AVL9: variants seen among roughly 807,000 people sequenced by gnomAD.
The protein encoded by AVL9 is late secretory pathway protein AVL9 homolog.
In AVL9, 49 loss-of-function variants were observed where a neutral mutation model predicts 79.2. That is an observed-to-expected ratio of 0.62 (90% confidence interval 0.49 to 0.79). The LOEUF is 0.79. Ranked by LOEUF, AVL9 falls within the 30% of genes least tolerant of loss-of-function variation. The probability of loss-of-function intolerance (pLI) is 0.00; values close to 1 mark genes in which losing one functional copy is unlikely to be tolerated. For synonymous variants in AVL9, 299 were observed against 280.6 expected (o/e 1.07, Z -0.65); for missense variants, 682 against 776.8 (o/e 0.88, Z 1.45).
Position 32,553,594 on chromosome 7 carries a change from G to A in AVL9, c.530-133G>A, listed in dbSNP as rs539541109. On this transcript the variant is annotated intron_variant, in intron 6 of 15. Coordinates refer to ENST00000318709, the MANE Select transcript of AVL9 (RefSeq NM_015060.3). The stretch of plus-strand genomic sequence containing the variant: ...TATGTGTACCTAATCAAACATTACA[G>A]AAATATTTGGATATTTGCATATTCC... The A allele has an allele frequency of 1.0e-4, 65 of 648,674 alleles. No homozygotes were observed. The South Asian group carries it at 1.3e-3, about 13-fold the overall frequency. The allele number at this position is 648,674 out of a possible 1,614,324, so 40.2% of individuals were successfully genotyped here. A position where few individuals can be genotyped will look rare whatever the true frequency, so the allele number is the denominator to read the frequency against.
At position 32,576,009 on chromosome 7, in the gene AVL9, A is replaced by T; in HGVS notation, c.1625A>T (p.Asn542Ile). ...ACAACTTTTGTTACAGCATGGAAGAATACTCACAACTACAGGGTGTGGAAC... is the reference window on the plus strand; with the variant it reads ...ACAACTTTTGTTACAGCATGGAAGATTACTCACAACTACAGGGTGTGGAAC... ...YGTTFVTAWK[N>I]THNYRVWNSN... Residue 542 changes from asparagine (N) to isoleucine (I), a missense_variant, in exon 13 of 16, where the codon AAT becomes ATT. Transcript: ENST00000318709. The T allele has an allele frequency of 6.2e-7, 1 of 1,614,186 alleles. No individual in the cohort carries two copies. Among genetic ancestry groups the T allele is most frequent in the South Asian group, 1.1e-5 (1 of 91,074 alleles).
rs1791717633 is a variant in AVL9, at chr7:32,585,143, C to T, written c.*1236C>T. ...TTTTCTCGTAGTCTTATTCATAAAG[C>T]TTTTCAAAGCACTTAGTCTTCTACT... On this transcript the variant is annotated 3_prime_UTR_variant, in exon 16 of 16. Transcript: ENST00000318709. The T allele has an allele frequency of 6.6e-6, 1 of 152,170 alleles. No homozygotes were observed. Among genetic ancestry groups the T allele is most frequent in the African/African-American group, 2.4e-5 (1 of 41,438 alleles). 9.4% of individuals were successfully genotyped at this position (152,170 alleles called of 1,614,324 possible). A position where few individuals can be genotyped will look rare whatever the true frequency, so the allele number is the denominator to read the frequency against.
intron 1 of AVL9, among the ~76,000 whole-genome samples, chr7:32,524,616 T>C (rs1788323283): frequency 8.6e-6 from 1 of 115,778 alleles, no homozygotes; most frequent in African/African-American, 2.7e-5. Context: ...TATCTAGTGC[T>C]ATAAAACTGA....
intron 1 of AVL9, among the ~76,000 whole-genome samples, chr7:32,521,975 T>C (rs1048644887): frequency 4.6e-5 from 7 of 152,194 alleles, no homozygotes; most frequent in African/African-American, 1.7e-4. Flanking sequence ...GTCCACATGG[T>C]GTTGAGCCTG....
chr7:32,543,283 C>CA (rs1354301957), intron 2 of AVL9, 22 bp downstream of exon 2: 9 of 1,601,936 alleles, frequency 5.6e-6, no homozygotes, highest in Non-Finnish European at 5.1e-6. Context: ...GACAGTGAAG[C>CA]AGTTAGGTGC....
At chr7:32,575,922 C>G in intron 12 of AVL9, 33 bp from the exon 13 acceptor site, 1 of 1,469,502 alleles carries the variant, frequency 6.8e-7, no homozygotes, top group Non-Finnish European at 9.5e-7. Context: ...GGCTACAGCC[C>G]AGCTCAACTT....
At chr7:32,568,161 A>G (rs1455316081) in intron 10 of AVL9, among the ~76,000 whole-genome samples, 2 of 151,482 alleles carry the variant, frequency 1.3e-5, no homozygotes, top group Non-Finnish European at 2.9e-5. Context: ...CATCGCGCCC[A>G]GCCCGCTTAT....
intron 12 of AVL9, among the ~76,000 whole-genome samples, chr7:32,574,801 G>A (rs1050143962): frequency 2.0e-5 from 3 of 152,008 alleles, no homozygotes; most frequent in African/African-American, 7.2e-5. Context: ...GGTCAAAAGA[G>A]GAAATTCAGC....
intron 13 of AVL9, 146 bp downstream of exon 13, chr7:32,576,218 G>C (rs1384547732): frequency 3.2e-6 from 2 of 618,328 alleles, no homozygotes; most frequent in Non-Finnish European, 5.7e-6. Context: ...CAAATATAGA[G>C]AAACAGCTTA....
At chr7:32,529,695 T>G (rs1788561612) in intron 1 of AVL9, among the ~76,000 whole-genome samples, 1 of 152,240 alleles carries the variant, frequency 6.6e-6, no homozygotes, top group Non-Finnish European at 1.5e-5. Context: ...TTCATATATT[T>G]TTAAGCATTT....
intron 13 of AVL9, among the ~76,000 whole-genome samples, chr7:32,576,275 A>G (rs889358216): frequency 6.6e-6 from 1 of 152,216 alleles, no homozygotes; most frequent in Non-Finnish European, 1.5e-5. Context: ...CATGAGCATT[A>G]TGGGAAGCAC....
intron 11 of AVL9, among the ~76,000 whole-genome samples, chr7:32,571,914 A>G (rs2128149563): frequency 6.6e-6 from 1 of 152,342 alleles, no homozygotes; most frequent in African/African-American, 2.4e-5. Flanking sequence ...CTGTAATCCC[A>G]GCACTTTGGG....
chr7:32,502,406 A>AAAG (rs1554332457), intron 1 of AVL9, among the ~76,000 whole-genome samples: 2 of 140,170 alleles, frequency 1.4e-5, no homozygotes, highest in East Asian at 2.0e-4. Context: ...AAAAAAAAAA[A>AAAG]AAAGAAAGAA....
intron 1 of AVL9, among the ~76,000 whole-genome samples, chr7:32,508,500 G>GT (rs1787512178): frequency 6.6e-6 from 1 of 152,072 alleles, no homozygotes; most frequent in Non-Finnish European, 1.5e-5. Flanking sequence ...ATTTCACATT[G>GT]TTTTTTCCTA....
intron 10 of AVL9, chr7:32,560,025 A>C (rs1005073989): frequency 1.3e-5 from 2 of 152,154 alleles, no homozygotes; most frequent in African/African-American, 4.8e-5. Context: ...AAACTTTGGG[A>C]GGCTGAGGCA....
rs1433981349 is a variant in AVL9, at chr7:32,585,480, G to C, written c.*1573G>C. The C allele has an allele frequency of 6.6e-6, 1 of 152,204 alleles. No individual in the cohort carries two copies. The highest frequency in any genetic ancestry group is 2.4e-5 in the African/African-American group (1 of 41,444). The allele number at this position is 152,204 out of a possible 1,614,324, so 9.4% of individuals were successfully genotyped here. A position where few individuals can be genotyped will look rare whatever the true frequency, so the allele number is the denominator to read the frequency against. ...TACCTGGGATGGCTGTTCTCAGAGAGTACTTACGGGGAACAGACTGCCTTT... is the reference window on the plus strand; with the variant it reads ...TACCTGGGATGGCTGTTCTCAGAGACTACTTACGGGGAACAGACTGCCTTT... On this transcript the variant is annotated 3_prime_UTR_variant, in exon 16 of 16. Transcript: ENST00000318709.
intron 10 of AVL9, among the ~76,000 whole-genome samples, chr7:32,560,903 A>G (rs1392908908): frequency 6.6e-6 from 1 of 152,222 alleles, no homozygotes; most frequent in Non-Finnish European, 1.5e-5. Flanking sequence ...TCTTCATTAG[A>G]GCCCTTAGAT....
At chr7:32,569,844 G>A (rs1790746866) in intron 10 of AVL9, among the ~76,000 whole-genome samples, 176 bp from the exon 11 acceptor site, 1 of 152,168 alleles carries the variant, frequency 6.6e-6, no homozygotes, top group East Asian at 1.9e-4. Context: ...TGGACTTACT[G>A]TAGTCAAGAC....
At position 32,556,658 on chromosome 7, in the gene AVL9, C is replaced by T. The variant is rs113060291; in HGVS notation, c.610-1901C>T. Among the ~76,000 whole-genome samples, 1,111 of 152,110 alleles carry T rather than the reference C, an allele frequency of 7.3e-3. 11 individuals are homozygous for T. Among genetic ancestry groups the T allele is most frequent in the African/African-American group, 0.026 (1,061 of 41,498 alleles). ...ATTTCTAAAATTGTGATAAAATACA[C>T]ATAACATACAATTTATCATCGTAAC... On this transcript the variant is annotated intron_variant, in intron 8 of 15. Coordinates refer to ENST00000318709, the MANE Select transcript of AVL9 (RefSeq NM_015060.3).
Sources: allele counts gnomAD v4.1 joint callset (sites outside exome capture counted in the v4.1 genomes callset), GRCh38; gene constraint gnomAD v4.1.1; transcripts MANE v1.5; gene names NCBI Gene and HGNC (gene_info 2026-07-23, HGNC 2026-07-21).